The following DEAF1 variants were observed in gnomAD, a reference collection of about 807,000 sequenced individuals.
DEAF1 encodes the protein DEAF1 transcription factor.
A neutral mutation model predicts 58.9 loss-of-function variants in DEAF1; 53 were observed. The observed-to-expected ratio is 0.90, with a 90% CI of 0.72 to 1.13. The LOEUF is 1.13. Ranked by LOEUF, DEAF1 falls within the 50% of genes most tolerant of loss-of-function variation. The pLI, the probability that DEAF1 is intolerant of heterozygous loss-of-function variation, is 0.00. For missense variants in DEAF1, 685 were observed against 791.4 expected, an observed-to-expected ratio of 0.87 and a Z score of 1.61; for synonymous variants, 385 against 340.4, an observed-to-expected ratio of 1.13 and a Z score of -1.44.
chr11:698,723 C>T, upstream of DEAF1: 1 of 920,320 alleles, frequency 1.1e-6, no homozygotes, highest in Non-Finnish European at 1.8e-6. Flanking sequence ...TATCTAGTGG[C>T]AGGCCCACGG....
At chr11:674,513 C>A in intron 10 of DEAF1, 23 bp downstream of exon 10, 1 of 1,613,650 alleles carries the variant, frequency 6.2e-7, no homozygotes, top group South Asian at 1.1e-5. Context: ...CAGGTCGTGT[C>A]TTCCCATTTG....
chr11:693,137 T>C (rs574858407), intron 1 of DEAF1, among the ~76,000 whole-genome samples: 1 of 152,228 alleles, frequency 6.6e-6, no homozygotes, highest in Non-Finnish European at 1.5e-5. Flanking sequence ...AAAACACAAC[T>C]ACCATATTTT....
At chr11:676,334 A>C (rs1178911320) in intron 9 of DEAF1, among the ~76,000 whole-genome samples, 1 of 11,654 alleles carries the variant, frequency 8.6e-5, no homozygotes, top group African/African-American at 7.3e-4. Flanking sequence ...AGCACCCGAC[A>C]TCCCCCCAGC....
chr11:685,153 C>T (rs566632933), intron 5 of DEAF1, among the ~76,000 whole-genome samples, 190 bp from the exon 6 acceptor site: 84 of 139,066 alleles, frequency 6.0e-4, no homozygotes, highest in Admixed American at 9.0e-4. Flanking sequence ...GGCACGTTCT[C>T]GGCTCAGTGC....
Position 686,864 on chromosome 11 carries a change from G to GCA in DEAF1, c.797_798insTG (p.Ile267AlafsTer7). The GCA allele has an allele frequency of 6.2e-7, 1 of 1,614,194 alleles. No homozygotes were observed. Among genetic ancestry groups the GCA allele is most frequent in the Non-Finnish European group, 8.5e-7 (1 of 1,180,050 alleles). On this transcript the variant is annotated frameshift_variant, in exon 5 of 12. Transcript: ENST00000382409. LOFTEE classifies it high-confidence loss of function. ...GTGAGGTCACGGACGATACCTGGAT[G>GCA]AGGCACTGCAAGGGTCGGCCCGCGT...
intron 10 of DEAF1, among the ~76,000 whole-genome samples, chr11:659,079 A>G (rs943472537): frequency 1.3e-5 from 2 of 152,184 alleles, no homozygotes; most frequent in Non-Finnish European, 2.9e-5. Flanking sequence ...TTCTGCAAAT[A>G]AAACTAAGTC....
chr11:696,037 C>T (rs1314556774), upstream of DEAF1, among the ~76,000 whole-genome samples: 1 of 152,016 alleles, frequency 6.6e-6, no homozygotes, highest in Non-Finnish European at 1.5e-5. Flanking sequence ...GTCCTGCACC[C>T]CGAAGAGCTC....
intron 10 of DEAF1, among the ~76,000 whole-genome samples, chr11:672,234 C>T (rs186187338): frequency 2.0e-5 from 3 of 152,056 alleles, no homozygotes; most frequent in Middle Eastern, 3.4e-3. Context: ...ACATCGAATA[C>T]GACCTGGGTT....
upstream of DEAF1, chr11:698,853 C>T (rs763188110): frequency 1.2e-6 from 2 of 1,614,144 alleles, no homozygotes; most frequent in Non-Finnish European, 1.7e-6. Context: ...TTGCTCACGG[C>T]CCCTTTCTCT....
intron 10 of DEAF1, among the ~76,000 whole-genome samples, chr11:668,502 C>CA (rs1320313513): frequency 6.6e-6 from 1 of 151,968 alleles, no homozygotes; most frequent in African/African-American, 2.4e-5. Context: ...AACCTCTACC[C>CA]CTGGGCTCCA....
intron 1 of DEAF1, chr11:703,599 G>C: frequency 8.1e-7 from 1 of 1,233,020 alleles, no homozygotes; most frequent in Non-Finnish European, 1.0e-6. Context: ...TTACTCCGTG[G>C]CCAGGCCCCA....
chr11:669,657 C>T (rs1227511483), intron 10 of DEAF1, among the ~76,000 whole-genome samples: 7 of 150,898 alleles, frequency 4.6e-5, no homozygotes, highest in African/African-American at 1.7e-4. Context: ...AGGCCAGGTG[C>T]GGTGGCTCAT....
At chr11:678,524 CTT>C (rs1247080249) in intron 9 of DEAF1, 168 bp downstream of exon 9, 1 of 1,003,288 alleles carries the variant, frequency 1.0e-6, no homozygotes, top group Non-Finnish European at 1.5e-6. Context: ...GTCAGTAAAA[CTT>C]TATTTACAAA....
At position 688,346 on chromosome 11, in the gene DEAF1, C is replaced by G. The variant is rs1027561012; in HGVS notation, c.502G>C (p.Ala168Pro). 2 of 1,613,694 alleles carry G rather than the reference C, an allele frequency of 1.2e-6. No individual in the cohort carries two copies. Among genetic ancestry groups the G allele is most frequent in the Non-Finnish European group, 1.7e-6 (2 of 1,180,002 alleles). ...ACCGCTGTACCTGGGGTGAGGGGAG[C>G]TGCCGGGCCTTTCAGCCCGGTGGTC... ...VETTGLKGPA[A>P]PLTPGPQSPP... The change falls in exon 3 of 12, where the codon GCT becomes CCT. Residue 168 changes from alanine to proline, a missense_variant. Ala to Pro is a conservative substitution (Grantham distance 27). Transcript: ENST00000382409. The surrounding 1 kb of genome is among the most constrained non-coding windows in gnomAD (Gnocchi z 4.3).
chr11:676,795 C>A (rs185964490), intron 9 of DEAF1, among the ~76,000 whole-genome samples: 35 of 152,156 alleles, frequency 2.3e-4, no homozygotes, highest in Non-Finnish European at 5.0e-4. Flanking sequence ...TGAGCCACCA[C>A]GCCCAGCGGG....
intron 9 of DEAF1, 50 bp from the exon 10 acceptor site, chr11:674,833 G>A: frequency 1.2e-6 from 2 of 1,600,632 alleles, no homozygotes; most frequent in Non-Finnish European, 1.7e-6. Flanking sequence ...ACATCTCCTA[G>A]CTTCAAAATG....
At chr11:695,790 G>A (rs1377498595), upstream of DEAF1, 2 of 1,236,186 alleles carry the variant, frequency 1.6e-6, no homozygotes, top group Non-Finnish European at 2.0e-6. Context: ...CCGAGAGGCT[G>A]CCGGGATCGC....
chr11:666,651 G>A (rs543523436), intron 10 of DEAF1, among the ~76,000 whole-genome samples: 2 of 152,222 alleles, frequency 1.3e-5, no homozygotes, highest in South Asian at 4.1e-4. Flanking sequence ...GTTGCAGTGA[G>A]CTGAGATCGT....
intron 11 of DEAF1, chr11:646,649 AG>A (rs1858512880): frequency 6.6e-6 from 1 of 152,286 alleles, no homozygotes; most frequent in South Asian, 2.1e-4. Flanking sequence ...GCAAAGGCCC[AG>A]GGTTGACTTT....
Sources: allele counts gnomAD v4.1 joint callset (sites outside exome capture counted in the v4.1 genomes callset), GRCh38; gene constraint gnomAD v4.1.1; non-coding constraint Gnocchi (gnomAD v3.1); transcripts MANE v1.5; gene names NCBI Gene and HGNC (gene_info 2026-07-23, HGNC 2026-07-21).